The following GRIK2 variants were observed in gnomAD, a reference collection of about 807,000 sequenced individuals.
The protein encoded by GRIK2 is glutamate receptor ionotropic, kainate 2.
In GRIK2, 32 loss-of-function variants were observed where a neutral mutation model predicts 100.3. That is an observed-to-expected ratio of 0.32 (90% CI 0.24 to 0.43). GRIK2 has a LOEUF of 0.43. GRIK2 is among the 20% of genes least tolerant of loss of function. GRIK2 has a pLI of 1.00. For missense variants in GRIK2, 843 were observed against 1,114.9 expected (o/e 0.76, Z 3.47); for synonymous variants, 417 against 389.4 (o/e 1.07, Z -0.83).
chr6:101,631,635 G>A (rs1780747866), intron 4 of GRIK2, among the ~76,000 whole-genome samples: 1 of 152,130 alleles, frequency 6.6e-6, no homozygotes, highest in African/African-American at 2.4e-5. Flanking sequence ...GCCTAAACTA[G>A]AAACATGAAC....
intron 4 of GRIK2, among the ~76,000 whole-genome samples, chr6:101,639,243 G>T (rs1781169791): frequency 6.6e-6 from 1 of 152,010 alleles, no homozygotes; most frequent in African/African-American, 2.4e-5. Flanking sequence ...TCACCATGTT[G>T]GTCGGGTCGC....
At chr6:101,444,263 A>G (rs1298164861) in intron 2 of GRIK2, among the ~76,000 whole-genome samples, 1 of 151,778 alleles carries the variant, frequency 6.6e-6, no homozygotes, top group Non-Finnish European at 1.5e-5. Context: ...TTTTTTTCTC[A>G]AGGTAGAATT....
chr6:101,660,188 C>G (rs1769509365), intron 4 of GRIK2, among the ~76,000 whole-genome samples: 1 of 152,022 alleles, frequency 6.6e-6, no homozygotes, highest in Non-Finnish European at 1.5e-5. Context: ...TCTTTTTTCT[C>G]TAATCTTGTC....
chr6:101,874,300 C>G (rs1161538109), intron 11 of GRIK2, among the ~76,000 whole-genome samples: 1 of 152,134 alleles, frequency 6.6e-6, no homozygotes, highest in East Asian at 1.9e-4. Flanking sequence ...GATCCAGTTT[C>G]AGCTTTCTAC....
chr6:101,416,672 TC>T (rs1403813099), intron 2 of GRIK2, among the ~76,000 whole-genome samples: 1 of 152,208 alleles, frequency 6.6e-6, no homozygotes, highest in Non-Finnish European at 1.5e-5. Flanking sequence ...ACCCAGTTTT[TC>T]CTTTAAGAGA....
At chr6:101,767,659 G>T (rs928245998) in intron 7 of GRIK2, among the ~76,000 whole-genome samples, 1 of 151,760 alleles carries the variant, frequency 6.6e-6, no homozygotes, top group Admixed American at 6.6e-5. Flanking sequence ...GTGTGACTGG[G>T]TCTATGTAGG....
chr6:101,793,611 G>T (rs1015197696), intron 7 of GRIK2, among the ~76,000 whole-genome samples: 8 of 152,146 alleles, frequency 5.3e-5, no homozygotes, highest in Non-Finnish European at 8.8e-5. Context: ...GTGTCAGTCT[G>T]CCCCTACTGG....
At chr6:101,862,507 C>T (rs73496607) in intron 11 of GRIK2, among the ~76,000 whole-genome samples, 11,516 of 152,126 alleles carry the variant, frequency 0.076, 1,139 homozygotes, top group African/African-American at 0.23. Context: ...TAGTTCATTG[C>T]AGCCTTGAAG....
Position 101,676,673 on chromosome 6 carries a change from C to T in GRIK2, c.592C>T (p.Arg198Ter), listed in dbSNP as rs749995448. The T allele has an allele frequency of 1.2e-6, 2 of 1,603,446 alleles. No homozygotes were observed. The highest frequency in any genetic ancestry group is 1.7e-6 in the Non-Finnish European group (2 of 1,173,226). ...LIKAPSRYNL[R>*]LKIRQLPADT... ...CAAAGCTCCATCAAGGTATAATCTTCGACTCAAAATTCGTCAGTTACCTGC... is the reference window on the plus strand; with the variant it reads ...CAAAGCTCCATCAAGGTATAATCTTTGACTCAAAATTCGTCAGTTACCTGC... The change falls in exon 5 of 17, where the codon CGA becomes TGA. Residue 198 changes from arginine (R) to a stop codon, truncating the protein, a stop_gained. Coordinates refer to ENST00000369134, the MANE Select transcript of GRIK2 (RefSeq NM_021956.5). LOFTEE classifies it high-confidence loss of function.
chr6:101,549,992 A>G (rs1038465255), intron 2 of GRIK2, among the ~76,000 whole-genome samples: 7 of 151,778 alleles, frequency 4.6e-5, no homozygotes, highest in Non-Finnish European at 1.0e-4. Context: ...CCATCACACC[A>G]CCTCCTTTTG....
At chr6:101,886,279 A>AT (rs1413308247) in intron 11 of GRIK2, among the ~76,000 whole-genome samples, 1 of 152,042 alleles carries the variant, frequency 6.6e-6, no homozygotes, top group African/African-American at 2.4e-5. Flanking sequence ...AAGCTCATTT[A>AT]TTTTTATAAA....
At chr6:101,698,788 T>C (rs1189011114) in intron 7 of GRIK2, among the ~76,000 whole-genome samples, 1 of 152,156 alleles carries the variant, frequency 6.6e-6, no homozygotes, top group Non-Finnish European at 1.5e-5. Flanking sequence ...CTTAAATCAT[T>C]GGAAAAAATA....
At chr6:101,586,167 G>T (rs1778350898) in intron 2 of GRIK2, among the ~76,000 whole-genome samples, 1 of 151,750 alleles carries the variant, frequency 6.6e-6, no homozygotes, top group Non-Finnish European at 1.5e-5. Context: ...GTCAGTGTAG[G>T]GCATAAATTT....
intron 2 of GRIK2, among the ~76,000 whole-genome samples, chr6:101,541,436 CTTAT>C (rs1294874469): frequency 1.6e-5 from 2 of 128,672 alleles, no homozygotes; most frequent in Non-Finnish European, 3.2e-5. Context: ...ACACTACACC[CTTAT>C]ACAAACCCAA....
At chr6:101,763,152 T>TCATTTTTGAGGGTCTTGGCAG (rs1777836312) in intron 7 of GRIK2, among the ~76,000 whole-genome samples, 1 of 152,196 alleles carries the variant, frequency 6.6e-6, no homozygotes, top group South Asian at 2.1e-4. Context: ...AAGGACAATG[T>TCATTTTTGAGGGTCTTGGCAG]ACAGATTGAG....
intron 14 of GRIK2, among the ~76,000 whole-genome samples, chr6:102,004,157 T>C: frequency 6.6e-6 from 1 of 151,762 alleles, no homozygotes; most frequent in Non-Finnish European, 1.5e-5. Flanking sequence ...ATTTATTTGA[T>C]TATATTTGTA....
chr6:101,892,473 T>C (rs1787170831), intron 12 of GRIK2, among the ~76,000 whole-genome samples: 1 of 152,134 alleles, frequency 6.6e-6, no homozygotes, highest in Admixed American at 6.6e-5. Flanking sequence ...GTGAAAGAAA[T>C]TCAAGTATGT....
chr6:101,679,772 C>T (rs1771102061), intron 5 of GRIK2, among the ~76,000 whole-genome samples: 1 of 152,166 alleles, frequency 6.6e-6, no homozygotes, highest in African/African-American at 2.4e-5. Context: ...TGGAGTCTGG[C>T]TCTGTCGCCC....
intron 2 of GRIK2, among the ~76,000 whole-genome samples, chr6:101,603,760 A>G (rs953907235): frequency 1.1e-4 from 17 of 151,758 alleles, no homozygotes; most frequent in Non-Finnish European, 2.2e-4. Context: ...GTTAAATGAT[A>G]TTAGAGAACT....
Sources: gnomAD v4.1 joint callset for allele counts (sites outside exome capture counted in the v4.1 genomes callset) on GRCh38, gnomAD v4.1.1 for gene constraint, MANE v1.5 for transcripts, NCBI Gene and HGNC (gene_info 2026-07-23, HGNC 2026-07-21) for gene names.